Variants in FANCM observed in about 807,000 individuals in gnomAD.
The protein encoded by FANCM is Fanconi anemia group M protein.
FANCM carries 140 observed loss-of-function variants against 199.5 expected under a neutral mutation model. The observed-to-expected ratio is 0.70, with a 90% CI of 0.61 to 0.81. FANCM has a LOEUF of 0.81. FANCM is among the 30% of genes least tolerant of loss of function. The pLI is 0.00. For missense variants in FANCM, 2,410 were observed against 2,421.4 expected (o/e 1.00, Z 0.10); for synonymous variants, 840 against 836.8 (o/e 1.00, Z -0.07).
At chr14:45,144,024 C>T (rs1886178152) in intron 3 of FANCM, among the ~76,000 whole-genome samples, 1 of 151,122 alleles carries the variant, frequency 6.6e-6, no homozygotes, top group African/African-American at 2.5e-5. Context: ...CATTCTGTGG[C>T]AGCCTTTTAA....
intron 4 of FANCM, among the ~76,000 whole-genome samples, chr14:45,150,344 T>C (rs1049277426): frequency 5.9e-5 from 9 of 152,238 alleles, no homozygotes; most frequent in Non-Finnish European, 5.9e-5. Flanking sequence ...AATATGATAA[T>C]TCTTATAATC....
chr14:45,147,908 A>C (rs1163355339), intron 3 of FANCM, among the ~76,000 whole-genome samples: 88 of 123,330 alleles, frequency 7.1e-4, no homozygotes, highest in South Asian at 3.5e-3. Flanking sequence ...CCCCCCCCCC[A>C]AAAAAAAAGC....
At position 45,136,114 on chromosome 14, in the gene FANCM, G is replaced by T. The variant is rs1885470299; in HGVS notation, c.83G>T (p.Gly28Val). 1.9e-6 allele frequency: 3 copies of T among 1,614,154 alleles called. No individual in the cohort carries two copies. Among genetic ancestry groups the T allele is most frequent in the Non-Finnish European group, 2.5e-6 (3 of 1,180,032 alleles). The change falls in exon 1 of 23, where the codon GGA becomes GTA. Residue 28 changes from glycine (G) to valine (V), a missense_variant. Coordinates refer to ENST00000267430, the MANE Select transcript of FANCM (RefSeq NM_020937.4). The stretch of plus-strand genomic sequence containing the variant: ...TCTGGGACTCCGGGTTGCAGCTCCG[G>T]AACTGAGCGACCTCAGAGCCCTGGC... ...RSSGTPGCSS[G>V]TERPQSPGSS...
At chr14:45,172,226 G>A (rs1322982995) in intron 12 of FANCM, among the ~76,000 whole-genome samples, 1 of 152,104 alleles carries the variant, frequency 6.6e-6, no homozygotes, top group Non-Finnish European at 1.5e-5. Flanking sequence ...CCTGTGGGTT[G>A]TCTGTTTACT....
chr14:45,191,337 G>C (rs571990335), intron 20 of FANCM, among the ~76,000 whole-genome samples: 5 of 152,282 alleles, frequency 3.3e-5, no homozygotes, highest in Admixed American at 2.6e-4. Flanking sequence ...GAGTGTCTCA[G>C]TATCCTAGGC....
chr14:45,175,984 A>T lies in FANCM; in HGVS notation c.3230A>T (p.Glu1077Val). 1 of 1,613,778 alleles carries T rather than the reference A, an allele frequency of 6.2e-7. No individual in the cohort carries two copies. The change falls in exon 14 of 23, where the codon GAG becomes GTG. Residue 1077 changes from glutamate (E) to valine (V), a missense_variant. Physicochemically the swap from Glu to Val is moderately radical, Grantham distance 121 (BLOSUM62 -2). Transcript: ENST00000267430. ...ATACCTAATGATAATATTTCTGATG[A>T]GCCAAGTCTCTGTGACTGTGATGTA... The part of the protein sequence containing the change: ...YDIPNDNISD[E>V]PSLCDCDVHK...
At chr14:45,198,380 G>T in intron 21 of FANCM, 1 of 289,948 alleles carries the variant, frequency 3.4e-6, no homozygotes, top group Non-Finnish European at 6.4e-6. Context: ...TACAGTCTTG[G>T]CCTTCAGGAG....
At chr14:45,167,518 G>A in intron 11 of FANCM, 1 of 213,852 alleles carries the variant, frequency 4.7e-6, no homozygotes, top group South Asian at 7.2e-5. Flanking sequence ...AAGACAGAAA[G>A]AAATTCCCTA....
At chr14:45,136,961 T>A (rs1885560677) in intron 1 of FANCM, 108 bp from the exon 2 acceptor site, 2 of 857,712 alleles carry the variant, frequency 2.3e-6, no homozygotes, top group Non-Finnish European at 3.8e-6. Context: ...AAATTGTTTT[T>A]CTCTTAATGT....
chr14:45,184,815 A>G (rs1324731494), intron 17 of FANCM, among the ~76,000 whole-genome samples: 1 of 148,946 alleles, frequency 6.7e-6, no homozygotes, highest in East Asian at 2.0e-4. Context: ...TGTTACTGCC[A>G]CAGACTGGAG....
intron 2 of FANCM, 74 bp downstream of exon 2, chr14:45,137,315 T>C: frequency 8.6e-7 from 1 of 1,158,700 alleles, no homozygotes; most frequent in African/African-American, 1.5e-5. Flanking sequence ...TAGTTACTAG[T>C]GATGGAAGTT....
intron 20 of FANCM, among the ~76,000 whole-genome samples, chr14:45,193,534 C>G (rs1034072886): frequency 3.3e-5 from 5 of 152,170 alleles, no homozygotes; most frequent in Non-Finnish European, 7.3e-5. Context: ...TCAGGGTATA[C>G]CTTTGATTCA....
In FANCM at chr14:45,136,108, G is replaced by A. The variant is rs934737957; in HGVS notation, c.77G>A (p.Ser26Asn). 3 of 1,614,150 alleles carry A rather than the reference G, an allele frequency of 1.9e-6. No homozygotes were observed. Among genetic ancestry groups the A allele is most frequent in the Admixed American group, 1.7e-5 (1 of 60,034 alleles). ...ISRSSGTPGC[S>N]SGTERPQSPG... ...CGATCATCTGGGACTCCGGGTTGCA[G>A]CTCCGGAACTGAGCGACCTCAGAGC... The change falls in exon 1 of 23, where the codon AGC becomes AAC. Residue 26 changes from serine to asparagine, a missense_variant. By Grantham distance (46) the Ser-to-Asn change is conservative. Transcript: ENST00000267430.
At chr14:45,155,533 C>A in intron 8 of FANCM, 74 bp downstream of exon 8, 2 of 788,854 alleles carry the variant, frequency 2.5e-6, no homozygotes, top group Non-Finnish European at 4.5e-6. Context: ...TGGCTGGGTG[C>A]AGTGGTTCAC....
rs1408492381 is a variant in FANCM at position 45,197,832 on chromosome 14, C to T, written c.5717-812C>T. On this transcript the variant is annotated intron_variant, in intron 21 of 22. Transcript: ENST00000267430. ...AGGCTGGAGTGCAGTGGCGCAATCT[C>T]GGCTCACTGCAACCTCCGCCTCCTG... 4.7e-5 allele frequency among the ~76,000 whole-genome samples: 7 copies of T among 150,160 alleles called. No individual in the cohort carries two copies. In the South Asian group the frequency reaches 1.1e-3, roughly 23 times the overall value.
At chr14:45,182,906 A>G (rs1469597935) in intron 16 of FANCM, among the ~76,000 whole-genome samples, 1 of 152,216 alleles carries the variant, frequency 6.6e-6, no homozygotes, top group Non-Finnish European at 1.5e-5. Flanking sequence ...AGCTTATTTT[A>G]TAATAAAATG....
chr14:45,140,693 C>T lies in FANCM; in HGVS notation c.743C>T (p.Pro248Leu), dbSNP rs1885853656. 1 of 1,587,102 alleles carries T rather than the reference C, an allele frequency of 6.3e-7. No individual in the cohort carries two copies. The highest frequency in any genetic ancestry group is 1.7e-5 in the Admixed American group (1 of 59,954). ...AGAATCTTGGCTCTAAGTGCCACAC[C>T]AGGTAGTGATATAAAGGTAAGTAAA... ...HFRILALSAT[P>L]GSDIKAVQQV... Residue 248 changes from proline (P) to leucine (L), a missense_variant, in exon 3 of 23, where the codon CCA (proline) becomes CTA (leucine). Coordinates refer to ENST00000267430, the MANE Select transcript of FANCM (RefSeq NM_020937.4).
chr14:45,159,231 A>G lies in FANCM; in HGVS notation c.1532A>G (p.His511Arg). 1 of 1,614,006 alleles carries G rather than the reference A, an allele frequency of 6.2e-7. No individual in the cohort carries two copies. The highest frequency in any genetic ancestry group is 8.5e-7 in the Non-Finnish European group (1 of 1,179,908). The change falls in exon 9 of 23, where the codon CAT (histidine) becomes CGT (arginine). Residue 511 changes from histidine to arginine, a missense_variant. By Grantham distance (29) the His-to-Arg change is conservative. Transcript: ENST00000267430. ...ATTAGAGTAATGACTTTTGTCGGCC[A>G]TGCCTCAGGGAAAAGCACGAAGGGT... ...PIIRVMTFVG[H>R]ASGKSTKGFT...
chr14:45,151,645 C>A, intron 5 of FANCM, 117 bp downstream of exon 5: 1 of 940,074 alleles, frequency 1.1e-6, no homozygotes, highest in Non-Finnish European at 1.7e-6. Context: ...AAAAATGAGG[C>A]CGAACACAGT....
Sources: gnomAD v4.1 joint callset for allele counts (sites outside exome capture counted in the v4.1 genomes callset) on GRCh38, gnomAD v4.1.1 for gene constraint, MANE v1.5 for transcripts, NCBI Gene and HGNC (gene_info 2026-07-23, HGNC 2026-07-21) for gene names.